The following CAMTA1 variants were observed in gnomAD, a reference collection of about 807,000 sequenced individuals.
CAMTA1 encodes calmodulin-binding transcription activator 1.
CAMTA1 carries 27 observed loss-of-function variants against 170.9 expected under a neutral mutation model. The observed-to-expected ratio is 0.16, with a 90% CI of 0.12 to 0.22. CAMTA1 has a LOEUF of 0.22. Among genes scored for constraint, CAMTA1 ranks in the 10% least tolerant of loss-of-function variants. The pLI is 1.00. For missense variants in CAMTA1, 1,619 were observed against 2,217.2 expected (o/e 0.73, Z 5.42); for synonymous variants, 833 against 891.5 (o/e 0.93, Z 1.17).
In CAMTA1 at chr1:7,078,024, A is replaced by G. The variant is rs529019560; in HGVS notation, c.235-13280A>G. Reference sequence around the variant, plus strand: ...CACACACACATACACACACTCTGATATAAATTCCTGATTTATTTAGCCATG... The same window carrying G: ...CACACACACATACACACACTCTGATGTAAATTCCTGATTTATTTAGCCATG... On this transcript the variant is annotated intron_variant, in intron 3 of 22. Transcript: ENST00000303635. 1.4e-4 allele frequency among the ~76,000 whole-genome samples: 21 copies of G among 152,360 alleles called. No homozygotes were observed. The South Asian group carries it at 4.3e-3, about 32-fold the overall frequency.
chr1:7,151,802 C>T (rs1012758786), intron 4 of CAMTA1, among the ~76,000 whole-genome samples: 8 of 152,186 alleles, frequency 5.3e-5, no homozygotes, highest in African/African-American at 1.4e-4. Context: ...CCAGTGGGTT[C>T]GAGTGTGCAT....
intron 21 of CAMTA1, among the ~76,000 whole-genome samples, chr1:7,754,896 T>G (rs959107860): frequency 6.6e-6 from 1 of 152,218 alleles, no homozygotes; most frequent in Non-Finnish European, 1.5e-5. Context: ...AAATCTATCC[T>G]GGAAGTTTGT....
rs576258749 is a variant in CAMTA1, at chr1:7,309,875, C to CAT, written c.438+60263_438+60264dup. 4.5e-3 allele frequency among the ~76,000 whole-genome samples: 668 copies of CAT among 149,992 alleles called. 7 individuals are homozygous for CAT. Among genetic ancestry groups the CAT allele is most frequent in the Admixed American group, 0.024 (367 of 15,056 alleles). On this transcript the variant is annotated intron_variant, in intron 5 of 22. Transcript: ENST00000303635. ...CTTATATTTTAGTTGTTTTATATATCATATATATATATATAAAACCCCAGT... is the reference window on the plus strand; with the variant it reads ...CTTATATTTTAGTTGTTTTATATATCATATATATATATATATAAAACCCCAGT...
At chr1:6,987,443 G>A (rs1695549284) in intron 3 of CAMTA1, among the ~76,000 whole-genome samples, 1 of 152,208 alleles carries the variant, frequency 6.6e-6, no homozygotes, top group Non-Finnish European at 1.5e-5. Flanking sequence ...GGGATTACAG[G>A]CGTGAGCCAT....
chr1:7,606,142 G>A (rs1557992924), intron 6 of CAMTA1, among the ~76,000 whole-genome samples: 1 of 152,220 alleles, frequency 6.6e-6, no homozygotes, highest in Non-Finnish European at 1.5e-5. Flanking sequence ...GGAGGCATTG[G>A]TCAAGCCCCC....
At chr1:7,356,031 A>C (rs961921323) in intron 5 of CAMTA1, among the ~76,000 whole-genome samples, 2 of 152,250 alleles carry the variant, frequency 1.3e-5, no homozygotes, top group Non-Finnish European at 2.9e-5. Context: ...AACCATCCAG[A>C]AGGCTGGAGA....
At chr1:7,593,155 G>A (rs191351551) in intron 6 of CAMTA1, among the ~76,000 whole-genome samples, 2 of 152,320 alleles carry the variant, frequency 1.3e-5, no homozygotes, top group East Asian at 1.9e-4. Flanking sequence ...GTAAAGGTCC[G>A]GGTTTTGCCA....
chr1:7,618,619 T>G (rs991556368), intron 6 of CAMTA1, among the ~76,000 whole-genome samples: 1 of 152,220 alleles, frequency 6.6e-6, no homozygotes, highest in African/African-American at 2.4e-5. Flanking sequence ...TTTTTATGAC[T>G]ATAGTAAAAG....
At chr1:7,548,580 TG>T (rs1333119835) in intron 6 of CAMTA1, among the ~76,000 whole-genome samples, 1 of 144,624 alleles carries the variant, frequency 6.9e-6, no homozygotes, top group Non-Finnish European at 1.5e-5. Flanking sequence ...GAGGTGCTGG[TG>T]TAGGGTGTCC....
chr1:7,172,467 C>T (rs951251922), intron 4 of CAMTA1, among the ~76,000 whole-genome samples: 1 of 152,134 alleles, frequency 6.6e-6, no homozygotes, highest in African/African-American at 2.4e-5. Flanking sequence ...ACTTCTTAAT[C>T]CAGGAGAGCT....
At chr1:7,494,525 C>A (rs138089192) in intron 6 of CAMTA1, among the ~76,000 whole-genome samples, 1 of 152,186 alleles carries the variant, frequency 6.6e-6, no homozygotes, top group South Asian at 2.1e-4. Flanking sequence ...CAAGAGGGGC[C>A]GGGTGCGGTG....
Position 7,333,542 on chromosome 1 carries a change from G to A in CAMTA1, c.438+83916G>A, listed in dbSNP as rs952253285. On this transcript the variant is annotated intron_variant, in intron 5 of 22. Coordinates refer to ENST00000303635, the MANE Select transcript of CAMTA1 (RefSeq NM_015215.4). The surrounding 1 kb of genome is among the most constrained non-coding windows in gnomAD (Gnocchi z 4.4). ...GAAATGTCAGGGGCTCCTGCCATGCGCAGCCAAGGCATTGGATCTTCATAT... is the reference window on the plus strand; with the variant it reads ...GAAATGTCAGGGGCTCCTGCCATGCACAGCCAAGGCATTGGATCTTCATAT... Among the ~76,000 whole-genome samples the A allele has an allele frequency of 3.3e-5, 5 of 152,214 alleles. No individual in the cohort carries two copies. Among genetic ancestry groups the A allele is most frequent in the African/African-American group, 7.2e-5 (3 of 41,454 alleles).
At chr1:7,095,341 G>A (rs56126317) in intron 4 of CAMTA1, among the ~76,000 whole-genome samples, 1 of 151,938 alleles carries the variant, frequency 6.6e-6, no homozygotes, top group Non-Finnish European at 1.5e-5. Flanking sequence ...TGAAGGAAGG[G>A]ACCTGGTTTT....
intron 5 of CAMTA1, among the ~76,000 whole-genome samples, chr1:7,448,464 CA>C (rs2092733841): frequency 6.6e-6 from 1 of 152,316 alleles, no homozygotes; most frequent in African/African-American, 2.4e-5. Flanking sequence ...GTGCTGTGTC[CA>C]AGCTGGGAGC....
rs929429344 is a variant in CAMTA1 at position 6,859,273 on chromosome 1, C to T, written c.234+34063C>T. Among the ~76,000 whole-genome samples, 4 of 152,172 alleles carry T rather than the reference C, an allele frequency of 2.6e-5. No homozygotes were observed. The East Asian group carries it at 7.7e-4, about 29-fold the overall frequency. On this transcript the variant is annotated intron_variant, in intron 3 of 22. Transcript: ENST00000303635. ...TACAGCTTCCCTGTTTTTTCCTCCCCATTTATACACCATGTTGTGGACATT... is the reference window on the plus strand; with the variant it reads ...TACAGCTTCCCTGTTTTTTCCTCCCTATTTATACACCATGTTGTGGACATT...
At position 7,012,744 on chromosome 1, in the gene CAMTA1, C is replaced by T. The variant is rs151008345; in HGVS notation, c.235-78560C>T. Among the ~76,000 whole-genome samples the T allele has an allele frequency of 9.7e-4, 147 of 152,262 alleles. 3 individuals carry two copies. The highest frequency in any genetic ancestry group is 8.5e-3 in the South Asian group (41 of 4,822). On this transcript the variant is annotated intron_variant, in intron 3 of 22. Transcript: ENST00000303635. ...GCTGCCCTTTCTCTTCCTCAGTTTC[C>T]CCCCACTCTGAATTCTGTCTTGCTC...
intron 5 of CAMTA1, among the ~76,000 whole-genome samples, chr1:7,392,313 T>C (rs2088809138): frequency 6.8e-6 from 1 of 146,228 alleles, no homozygotes; most frequent in Non-Finnish European, 1.5e-5. Context: ...TGGAACGCAA[T>C]GGTGCAATCT....
At chr1:7,491,055 C>T (rs1241065759) in intron 6 of CAMTA1, among the ~76,000 whole-genome samples, 1 of 152,256 alleles carries the variant, frequency 6.6e-6, no homozygotes, top group East Asian at 1.9e-4. Flanking sequence ...TGCAAATAAC[C>T]TAATGAAACT....
chr1:7,112,662 A>T lies in CAMTA1; in HGVS notation c.302+21291A>T, dbSNP rs113194908. Among the ~76,000 whole-genome samples, 1,490 of 152,258 alleles carry T rather than the reference A, an allele frequency of 9.8e-3. 17 individuals carry two copies. The highest frequency in any genetic ancestry group is 0.017 in the Middle Eastern group (5 of 294). ...TGTCCCTCTCCCTTTGTAGGAGCAC[A>T]TTCTGGGGCCAGCAGCCTCCCGCTC... On this transcript the variant is annotated intron_variant, in intron 4 of 22. Transcript: ENST00000303635.
Sources: gnomAD v4.1 joint callset for allele counts (sites outside exome capture counted in the v4.1 genomes callset) on GRCh38, gnomAD v4.1.1 for gene constraint, Gnocchi (gnomAD v3.1) non-coding constraint, MANE v1.5 for transcripts, NCBI Gene and HGNC (gene_info 2026-07-23, HGNC 2026-07-21) for gene names.